CD109: variants seen among roughly 807,000 people sequenced by gnomAD.
CD109 encodes CD109 molecule.
A neutral mutation model predicts 165.8 loss-of-function variants in CD109; 149 were observed. The ratio of observed to expected loss-of-function variants is 0.90; its 90% CI spans 0.79 to 1.03. The LOEUF (loss-of-function observed/expected upper bound fraction) is 1.03. Ranked by LOEUF, CD109 falls within the 50% of genes least tolerant of loss-of-function variation. The pLI is 0.00. For missense variants in CD109, 1,712 were observed against 1,677.8 expected (o/e 1.02, Z -0.36); for synonymous variants, 585 against 592.1 (o/e 0.99, Z 0.18).
At chr6:73,775,710 C>T (rs888909129) in intron 15 of CD109, among the ~76,000 whole-genome samples, 26 of 152,116 alleles carry the variant, frequency 1.7e-4, no homozygotes. Flanking sequence ...TGTGTTGTTC[C>T]TCTCTATGTG....
At chr6:73,726,905 G>A (rs1772159840) in intron 3 of CD109, among the ~76,000 whole-genome samples, 1 of 152,166 alleles carries the variant, frequency 6.6e-6, no homozygotes, top group African/African-American at 2.4e-5. Context: ...GTGCCCTCTG[G>A]TCAAGGAGTC....
chr6:73,821,350 C>A (rs1364068013), intron 32 of CD109, among the ~76,000 whole-genome samples: 1 of 152,124 alleles, frequency 6.6e-6, no homozygotes, highest in Non-Finnish European at 1.5e-5. Flanking sequence ...TACCATTTGA[C>A]CCCACAATCC....
upstream of CD109, among the ~76,000 whole-genome samples, chr6:73,693,586 T>C (rs1770727942): frequency 6.6e-6 from 1 of 152,240 alleles, no homozygotes; most frequent in Admixed American, 6.5e-5. Flanking sequence ...AGTCTTGCTC[T>C]GTCACCCAGA....
intron 21 of CD109, 86 bp downstream of exon 21, chr6:73,787,538 T>G: frequency 9.8e-7 from 1 of 1,016,952 alleles, no homozygotes; most frequent in Non-Finnish European, 1.5e-6. Flanking sequence ...TTAAATTTGT[T>G]GGCATATCTA....
chr6:73,806,587 T>A (rs1049990656), intron 24 of CD109, among the ~76,000 whole-genome samples: 1 of 152,198 alleles, frequency 6.6e-6, no homozygotes, highest in African/African-American at 2.4e-5. Flanking sequence ...CCTTTTCAAA[T>A]CTGAGATTTT....
At chr6:73,754,515 A>C (rs1773310604) in intron 5 of CD109, among the ~76,000 whole-genome samples, 1 of 152,236 alleles carries the variant, frequency 6.6e-6, no homozygotes, top group Admixed American at 6.5e-5. Context: ...AATTCATTTC[A>C]AATATTCTAA....
chr6:73,772,078 A>T (rs1774055510), intron 15 of CD109, among the ~76,000 whole-genome samples: 1 of 152,206 alleles, frequency 6.6e-6, no homozygotes, highest in Admixed American at 6.5e-5. Flanking sequence ...TCATTTTCAT[A>T]CTACATTTTA....
chr6:73,800,488 G>A (rs1371163410), intron 23 of CD109, among the ~76,000 whole-genome samples: 1 of 152,180 alleles, frequency 6.6e-6, no homozygotes, highest in Admixed American at 6.5e-5. Context: ...TACTGGGTCA[G>A]AGGGTAAAGA....
chr6:73,696,202 C>T, upstream of CD109: 3 of 1,544,996 alleles, frequency 1.9e-6, no homozygotes, highest in Non-Finnish European at 2.6e-6. Context: ...GTAGCCCAGG[C>T]AGACGCCGTC....
rs760405433 is a variant in CD109 at position 73,792,613 on chromosome 6, C to G, written c.2702-13C>G. 3 of 1,611,686 alleles carry G rather than the reference C, an allele frequency of 1.9e-6. No homozygotes were observed. Among genetic ancestry groups the G allele is most frequent in the Non-Finnish European group, 2.5e-6 (3 of 1,179,624 alleles). ...AGTATTTACTGAATGAACTGCATGT[C>G]TTGTGCTTCCAGGAGATGTTCTTGG... is the stretch of plus-strand genomic sequence containing the variant. On this transcript the variant is annotated splice_polypyrimidine_tract_variant and intron_variant, in intron 22 of 32. Transcript: ENST00000287097.
At position 73,824,514 on chromosome 6, in the gene CD109, C is replaced by T. The variant is rs1776213548; in HGVS notation, c.*881C>T. On this transcript the variant is annotated 3_prime_UTR_variant, in exon 33 of 33. Coordinates refer to ENST00000287097, the MANE Select transcript of CD109 (RefSeq NM_133493.5). ...GGATACAACAAAATACTAGGTAAGTCACTGCAGACCGACCTCCCTGCAGTT... is the reference window on the plus strand; with the variant it reads ...GGATACAACAAAATACTAGGTAAGTTACTGCAGACCGACCTCCCTGCAGTT... 1.3e-5 allele frequency: 2 copies of T among 152,196 alleles called. No homozygotes were observed. The highest frequency in any genetic ancestry group is 1.3e-4 in the Admixed American group (2 of 15,266). 9.4% of individuals were successfully genotyped at this position (152,196 alleles called of 1,614,324 possible).
At chr6:73,746,944 A>C (rs952054745) in intron 5 of CD109, among the ~76,000 whole-genome samples, 1 of 152,124 alleles carries the variant, frequency 6.6e-6, no homozygotes, top group East Asian at 1.9e-4. Flanking sequence ...CCCTCCTCAC[A>C]CTCAGTAGAT....
At chr6:73,797,718 C>T (rs1364443256) in intron 23 of CD109, among the ~76,000 whole-genome samples, 3 of 152,022 alleles carry the variant, frequency 2.0e-5, no homozygotes, top group Non-Finnish European at 4.4e-5. Context: ...TGTTTGTGAG[C>T]AGTATTTTTA....
rs763529710 is a variant in CD109 at position 73,806,889 on chromosome 6, C to T, written c.3006C>T (p.Tyr1002=). The stretch of plus-strand genomic sequence containing the variant: ...GATGTTTCCTTGAAGCCGATCCTTA[C>T]ATAGATATTGATCAGAATGTGTTAC... ...VLRCFLEADP[Y]IDIDQNVLHR... is the part of the protein sequence containing the mutation. Residue 1002 remains tyrosine (Y), a synonymous_variant, in exon 25 of 33, where the codon TAC becomes TAT. Coordinates refer to ENST00000287097, the MANE Select transcript of CD109 (RefSeq NM_133493.5). The T allele has an allele frequency of 2.5e-6, 4 of 1,613,808 alleles. No individual in the cohort carries two copies. Among genetic ancestry groups the T allele is most frequent in the Non-Finnish European group, 3.4e-6 (4 of 1,179,898 alleles).
intron 4 of CD109, among the ~76,000 whole-genome samples, chr6:73,733,628 G>T (rs1372556514): frequency 6.6e-6 from 1 of 152,228 alleles, no homozygotes; most frequent in African/African-American, 2.4e-5. Context: ...CCATCCAGAA[G>T]TTGTTGGTGC....
intron 10 of CD109, among the ~76,000 whole-genome samples, chr6:73,765,665 A>C (rs919642723): frequency 3.9e-5 from 6 of 152,144 alleles, no homozygotes; most frequent in Admixed American, 6.5e-5. Context: ...GAGGAACTGA[A>C]AAGGACACTG....
Position 73,810,039 on chromosome 6 carries a change from A to T in CD109, c.3411A>T (p.Pro1137=). Residue 1137 remains proline (P), a synonymous_variant, in exon 27 of 33, where the codon CCA becomes CCT. Transcript: ENST00000287097. ...CCAAACTTTCTGACTCCTGGCAGCC[A>T]CGCTCCCTGGATATTGAAGTTGCAG... ...SESKLSDSWQ[P]RSLDIEVAAY... 2.5e-6 allele frequency: 4 copies of T among 1,606,350 alleles called. No homozygotes were observed. The highest frequency in any genetic ancestry group is 3.4e-6 in the Non-Finnish European group (4 of 1,177,514).
intron 15 of CD109, among the ~76,000 whole-genome samples, chr6:73,776,411 C>T (rs1774245263): frequency 6.6e-6 from 1 of 151,890 alleles, no homozygotes; most frequent in Non-Finnish European, 1.5e-5. Flanking sequence ...GCCTCCACGC[C>T]TGGCTAATTT....
intron 1 of CD109, 82 bp from the exon 2 acceptor site, chr6:73,697,318 G>A (rs1770881652): frequency 2.3e-6 from 3 of 1,317,270 alleles, no homozygotes; most frequent in African/African-American, 2.9e-5. Flanking sequence ...AGTGCCTATC[G>A]CACTAGGAAA....
Sources: gnomAD v4.1 joint callset for allele counts (sites outside exome capture counted in the v4.1 genomes callset) on GRCh38, gnomAD v4.1.1 for gene constraint, MANE v1.5 for transcripts, NCBI Gene and HGNC (gene_info 2026-07-23, HGNC 2026-07-21) for gene names.